Variants in UMODL1 observed in about 807,000 individuals in gnomAD.
The protein encoded by UMODL1 is uromodulin-like 1.
UMODL1 carries 128 observed loss-of-function variants against 136.3 expected under a neutral mutation model. The ratio of observed to expected loss-of-function variants is 0.94; its 90% CI spans 0.81 to 1.09. The LOEUF is 1.09. Ranked by LOEUF, UMODL1 falls within the 50% of genes least tolerant of loss-of-function variation. The pLI is 0.00. For missense variants in UMODL1, 1,766 were observed against 1,725.6 expected (o/e 1.02, Z -0.41); for synonymous variants, 721 against 720.0 (o/e 1.00, Z -0.02).
chr21:42,091,592 C>A (rs1436956760), intron 6 of UMODL1, among the ~76,000 whole-genome samples: 3 of 152,120 alleles, frequency 2.0e-5, no homozygotes, highest in Non-Finnish European at 4.4e-5. Context: ...AGAGATAGAA[C>A]CTCTGGAACT....
Position 42,119,228 on chromosome 21 carries a change from G to T in UMODL1, c.2593G>T (p.Ala865Ser). 1.2e-6 allele frequency: 2 copies of T among 1,614,224 alleles called. No homozygotes were observed. The highest frequency in any genetic ancestry group is 1.7e-6 in the Non-Finnish European group (2 of 1,180,042). ...IVVEFHLLIIADVDVQEVSAA... is the reference protein window; with the variant it reads ...IVVEFHLLIISDVDVQEVSAA... ...GGTGGAGTTTCACTTGCTGATAATC[G>T]CAGATGTGGATGTCCAGGAGGTGTC... Residue 865 changes from alanine to serine, a missense_variant, in exon 15 of 23, where the codon GCA becomes TCA. Coordinates refer to ENST00000408910, the MANE Select transcript of UMODL1 (RefSeq NM_001004416.3).
Position 42,102,212 on chromosome 21 carries a change from G to C in UMODL1, c.1233G>C (p.Leu411=), listed in dbSNP as rs772386324. ...CAATAAAGATTGTAAACCACAACCT[G>C]ACGGAGAAGTTACTCAACCGCAGCA... ...EVTIKIVNHN[L]TEKLLNRSSV... The change falls in exon 8 of 23, where the codon CTG becomes CTC. Residue 411 remains leucine, a synonymous_variant. Transcript: ENST00000408910. 17 of 1,613,832 alleles carry C rather than the reference G, an allele frequency of 1.1e-5. No individual in the cohort carries two copies. The highest frequency in any genetic ancestry group is 1.7e-5 in the Admixed American group (1 of 60,002).
Position 42,076,393 on chromosome 21 carries a change from C to T in UMODL1, c.319+146C>T, listed in dbSNP as rs114002550. The T allele has an allele frequency of 6.9e-3, 9,071 of 1,314,118 alleles. 495 individuals are homozygous for T. In the African/African-American group the frequency reaches 0.11, roughly 17 times the overall value. The allele number at this position is 1,314,118 out of a possible 1,614,324, so 81.4% of individuals were successfully genotyped here. A position where few individuals can be genotyped will look rare whatever the true frequency, so the allele number is the denominator to read the frequency against. On this transcript the variant is annotated intron_variant, in intron 2 of 22. Transcript: ENST00000408910. ...CAGCCTTGACCAGGCAGCAGGTCAT[C>T]GGCAGGGCTTTCCCTGGCCCCACTC...
At chr21:42,131,079 C>G (rs1354424710) in intron 21 of UMODL1, among the ~76,000 whole-genome samples, 1 of 152,168 alleles carries the variant, frequency 6.6e-6, no homozygotes, top group Non-Finnish European at 1.5e-5. Flanking sequence ...TCCCAAAGTG[C>G]TAGGATTACA....
intron 12 of UMODL1, 22 bp downstream of exon 12, chr21:42,111,732 T>C (rs1370229853): frequency 1.3e-6 from 2 of 1,594,260 alleles, no homozygotes; most frequent in Non-Finnish European, 1.7e-6. Flanking sequence ...GAATGGTGCA[T>C]GGGGACTAGG....
chr21:42,110,895 C>T lies in UMODL1; in HGVS notation c.1673C>T (p.Pro558Leu). The change falls in exon 11 of 23, where the codon CCC (proline) becomes CTC (leucine). Residue 558 changes from proline to leucine, a missense_variant. Transcript: ENST00000408910. Reference sequence around the variant, plus strand: ...GTCTTGGCAGGTGACCTGGTGAGCCCCATGGGCGGTGGACTGTCTGCGGCA... The same window carrying T: ...GTCTTGGCAGGTGACCTGGTGAGCCTCATGGGCGGTGGACTGTCTGCGGCA... ...GRACEGDLVSPMGGGLSAATG... is the reference protein window; with the variant it reads ...GRACEGDLVSLMGGGLSAATG... The T allele has an allele frequency of 6.2e-7, 1 of 1,607,954 alleles. No individual in the cohort carries two copies. The highest frequency in any genetic ancestry group is 1.7e-5 in the Admixed American group (1 of 59,306).
At chr21:42,075,250 G>T (rs916689691) in intron 1 of UMODL1, among the ~76,000 whole-genome samples, 15 of 151,800 alleles carry the variant, frequency 9.9e-5, no homozygotes, top group South Asian at 6.3e-4. Flanking sequence ...ATGGGGGGGG[G>T]GTTTCACCAT....
At chr21:42,131,893 C>T (rs928416346) in intron 21 of UMODL1, among the ~76,000 whole-genome samples, 1 of 152,172 alleles carries the variant, frequency 6.6e-6, no homozygotes, top group African/African-American at 2.4e-5. Context: ...CTATTTCTTT[C>T]ACCCTATAAG....
At position 42,076,184 on chromosome 21, in the gene UMODL1, G is replaced by A. The variant is rs754199550; in HGVS notation, c.256G>A (p.Glu86Lys). The A allele has an allele frequency of 5.6e-6, 9 of 1,614,230 alleles. No homozygotes were observed. The highest frequency in any genetic ancestry group is 1.3e-5 in the African/African-American group (1 of 75,054). The change falls in exon 2 of 23, where the codon GAG (glutamate) becomes AAG (lysine). Residue 86 changes from glutamate to lysine, a missense_variant. By Grantham distance (56) the Glu-to-Lys change is moderately conservative. Transcript: ENST00000408910. ...ACAGTACCTGGTAGTGGAGGTCCCCGAGTCCAGGAACGTGACTGACTGCTG... is the reference window on the plus strand; with the variant it reads ...ACAGTACCTGGTAGTGGAGGTCCCCAAGTCCAGGAACGTGACTGACTGCTG... ...RTQYLVVEVP[E>K]SRNVTDCCEG...
rs1174402347 is a variant in UMODL1, at chr21:42,111,533, C to T, written c.1927C>T (p.Pro643Ser). 3 of 1,613,928 alleles carry T rather than the reference C, an allele frequency of 1.9e-6. No homozygotes were observed. The highest frequency in any genetic ancestry group is 2.5e-6 in the Non-Finnish European group (3 of 1,179,970). Residue 643 changes from proline to serine, a missense_variant, in exon 12 of 23, where the codon CCC becomes TCC. By Grantham distance (74) the Pro-to-Ser change is moderately conservative. Coordinates refer to ENST00000408910, the MANE Select transcript of UMODL1 (RefSeq NM_001004416.3). ...ELQGNSIMEP[P>S]SWPSPTEDPT... The stretch of plus-strand genomic sequence containing the variant: ...ACAGGGAAACTCCATCATGGAGCCA[C>T]CCTCCTGGCCTTCCCCTACTGAGGA...
At chr21:42,103,159 AT>A (rs1295529792) in intron 8 of UMODL1, 1 of 182,684 alleles carries the variant, frequency 5.5e-6, no homozygotes. Context: ...GCTGTTCACT[AT>A]GCAAACATCC....
chr21:42,093,445 C>G (rs543249125), intron 6 of UMODL1: 2 of 157,870 alleles, frequency 1.3e-5, no homozygotes, highest in African/African-American at 4.8e-5. Flanking sequence ...TCTCAAGCTC[C>G]CAGCCTCAAG....
At chr21:42,083,177 T>C (rs1368059580) in intron 2 of UMODL1, among the ~76,000 whole-genome samples, 1 of 152,220 alleles carries the variant, frequency 6.6e-6, no homozygotes, top group Non-Finnish European at 1.5e-5. Flanking sequence ...AGTGCCACTC[T>C]GCCATGCGTC....
chr21:42,140,811 A>C (rs1047085018), intron 22 of UMODL1, among the ~76,000 whole-genome samples: 2 of 152,122 alleles, frequency 1.3e-5, no homozygotes, highest in African/African-American at 4.8e-5. Context: ...GGGGATCCCA[A>C]AGGGGCAGGG....
intron 2 of UMODL1, among the ~76,000 whole-genome samples, chr21:42,082,028 T>A (rs1178901556): frequency 2.0e-5 from 3 of 152,010 alleles, no homozygotes; most frequent in Admixed American, 6.5e-5. Flanking sequence ...GCCTGGATGA[T>A]GAGGAGATGA....
upstream of UMODL1, among the ~76,000 whole-genome samples, chr21:42,069,278 G>A (rs1292384072): frequency 5.9e-5 from 4 of 67,566 alleles, no homozygotes; most frequent in African/African-American, 1.6e-4. Flanking sequence ...AAACAGCAGG[G>A]GTATCTTTCA....
chr21:42,109,716 C>T lies in UMODL1; in HGVS notation c.1657+17C>T, dbSNP rs776525105. On this transcript the variant is annotated intron_variant, in intron 10 of 22. Coordinates refer to ENST00000408910, the MANE Select transcript of UMODL1 (RefSeq NM_001004416.3). ...CCTGTGAGGGTACGTGTCGACCCCC[C>T]TGCCGACTCTGGGAAGACCCCCTGC... 5 of 1,598,140 alleles carry T rather than the reference C, an allele frequency of 3.1e-6. No individual in the cohort carries two copies. The highest frequency in any genetic ancestry group is 2.2e-5 in the East Asian group (1 of 44,842).
intron 3 of UMODL1, 137 bp downstream of exon 3, chr21:42,084,382 C>T: frequency 2.3e-6 from 2 of 876,586 alleles, no homozygotes; most frequent in Non-Finnish European, 3.2e-6. Flanking sequence ...ACCGTGTGCA[C>T]AGGCAGCACC....
chr21:42,098,540 G>C (rs957223049), intron 6 of UMODL1, among the ~76,000 whole-genome samples: 3 of 152,156 alleles, frequency 2.0e-5, no homozygotes, highest in Admixed American at 2.0e-4. Flanking sequence ...AGGCTGAGGT[G>C]GGTGGATCAC....
Sources: allele counts gnomAD v4.1 joint callset (sites outside exome capture counted in the v4.1 genomes callset), GRCh38; gene constraint gnomAD v4.1.1; transcripts MANE v1.5; gene names NCBI Gene and HGNC (gene_info 2026-07-23, HGNC 2026-07-21).